The following DGKH variants were observed in gnomAD, a reference collection of about 807,000 sequenced individuals.
The protein encoded by DGKH is DAG kinase eta.
In DGKH, 90 loss-of-function variants were observed where a neutral mutation model predicts 159.3. The ratio of observed to expected loss-of-function variants is 0.57; its 90% CI spans 0.48 to 0.67. The LOEUF (loss-of-function observed/expected upper bound fraction) is 0.67. Ranked by LOEUF, DGKH falls within the 30% of genes least tolerant of loss-of-function variation. DGKH has a pLI of 0.00. For missense variants in DGKH, 1,181 were observed against 1,506.1 expected (o/e 0.78, Z 3.57); for synonymous variants, 536 against 553.8 (o/e 0.97, Z 0.45).
intron 3 of DGKH, among the ~76,000 whole-genome samples, chr13:42,136,390 T>C (rs1955403415): frequency 6.6e-6 from 1 of 152,200 alleles, no homozygotes; most frequent in Non-Finnish European, 1.5e-5. Flanking sequence ...AATCTGACCA[T>C]GTTAGGTAAA....
At chr13:42,113,891 C>G (rs1187721590) in intron 1 of DGKH, among the ~76,000 whole-genome samples, 1 of 152,006 alleles carries the variant, frequency 6.6e-6, no homozygotes, top group Non-Finnish European at 1.5e-5. Context: ...TGAAGATAGG[C>G]TTTAGGATGG....
At chr13:42,206,934 G>A (rs1315485694) in intron 21 of DGKH, among the ~76,000 whole-genome samples, 1 of 150,620 alleles carries the variant, frequency 6.6e-6, no homozygotes, top group East Asian at 2.0e-4. Flanking sequence ...CAGAGAGGGG[G>A]CATTATTCTG....
chr13:42,243,090 A>G (rs118050883), downstream of DGKH, among the ~76,000 whole-genome samples: 610 of 152,324 alleles, frequency 4.0e-3, 1 homozygote, highest in Middle Eastern at 6.8e-3. Context: ...ATTGAGATGC[A>G]TAAGGTCACA....
chr13:42,236,091 A>G lies in DGKH; in HGVS notation c.*6903A>G, dbSNP rs879901378. On this transcript the variant is annotated 3_prime_UTR_variant, in exon 30 of 30. Coordinates refer to ENST00000337343, the MANE Select transcript of DGKH (RefSeq NM_178009.5). ...AAGAATTTTACCTTTGGATTTCTCT[A>G]TGTGAGGCAGTGCTGGTGTCAGCAA... 1.3e-5 allele frequency: 2 copies of G among 152,200 alleles called. No individual in the cohort carries two copies. Among genetic ancestry groups the G allele is most frequent in the Non-Finnish European group, 2.9e-5 (2 of 68,020 alleles). 9.4% of individuals were successfully genotyped at this position (152,200 alleles called of 1,614,324 possible). A position where few individuals can be genotyped will look rare whatever the true frequency, so the allele number is the denominator to read the frequency against.
At chr13:42,077,317 C>T (rs956966562) in intron 1 of DGKH, among the ~76,000 whole-genome samples, 1 of 151,990 alleles carries the variant, frequency 6.6e-6, no homozygotes, top group African/African-American at 2.4e-5. Context: ...ACTTAAAATA[C>T]TTAATAAATT....
intron 1 of DGKH, among the ~76,000 whole-genome samples, chr13:42,112,170 A>G (rs1019698021): frequency 1.3e-5 from 2 of 152,120 alleles, no homozygotes; most frequent in East Asian, 1.9e-4. Context: ...AAAGTCGTAT[A>G]TGGTTTTTGT....
At chr13:42,228,716 AAAGAAAAG>A (rs1167985728) in intron 29 of DGKH, among the ~76,000 whole-genome samples, 14 of 148,068 alleles carry the variant, frequency 9.5e-5, no homozygotes, top group Admixed American at 2.7e-4. Context: ...AGAAAGAAAG[AAAGAAAAG>A]AAAGAAAGAG....
chr13:42,203,679 G>A (rs1018909904), intron 20 of DGKH, among the ~76,000 whole-genome samples: 3 of 152,024 alleles, frequency 2.0e-5, no homozygotes, highest in African/African-American at 7.2e-5. Flanking sequence ...ACATGGGATG[G>A]CTAGGGAGCC....
intron 13 of DGKH, among the ~76,000 whole-genome samples, chr13:42,183,345 A>G (rs948779290): frequency 6.6e-6 from 1 of 152,122 alleles, no homozygotes; most frequent in Non-Finnish European, 1.5e-5. Flanking sequence ...AACAATTCTT[A>G]CTGAGGCATG....
intron 1 of DGKH, among the ~76,000 whole-genome samples, chr13:42,073,525 C>T (rs1883111354): frequency 1.3e-5 from 2 of 152,172 alleles, no homozygotes; most frequent in South Asian, 4.1e-4. Flanking sequence ...AGATATCCAA[C>T]ACTGTATTAT....
chr13:42,073,671 ATTTTTAGCTTTC>A (rs553244499), intron 1 of DGKH, among the ~76,000 whole-genome samples: 1 of 152,326 alleles, frequency 6.6e-6, no homozygotes, highest in South Asian at 2.1e-4. Context: ...AGCTTATGAT[ATTTTTAGCTTTC>A]TATGGGTTTA....
At chr13:42,198,398 G>A (rs1355646689) in intron 17 of DGKH, 80 bp from the exon 18 acceptor site, 3 of 1,191,110 alleles carry the variant, frequency 2.5e-6, no homozygotes, top group Non-Finnish European at 3.6e-6. Context: ...TAAGATATTT[G>A]ATATCAGGCC....
intron 7 of DGKH, among the ~76,000 whole-genome samples, chr13:42,163,953 A>C (rs1354903238): frequency 6.6e-6 from 1 of 152,150 alleles, no homozygotes; most frequent in Non-Finnish European, 1.5e-5. Flanking sequence ...TATGTCCTGA[A>C]TGGTAATGCC....
chr13:42,153,502 G>A (rs1476301584), intron 3 of DGKH, among the ~76,000 whole-genome samples: 3 of 152,052 alleles, frequency 2.0e-5, no homozygotes, highest in Non-Finnish European at 1.5e-5. Flanking sequence ...CATCATATAA[G>A]GTAGCAAAAA....
intron 1 of DGKH, among the ~76,000 whole-genome samples, chr13:42,059,206 G>A (rs919143300): frequency 6.6e-6 from 1 of 151,594 alleles, no homozygotes; most frequent in Non-Finnish European, 1.5e-5. Context: ...TTAATCTGTG[G>A]TGTGTATAGG....
intron 30 of DGKH, among the ~76,000 whole-genome samples, chr13:42,253,426 T>G (rs1158273359): frequency 6.6e-6 from 1 of 152,224 alleles, no homozygotes; most frequent in African/African-American, 2.4e-5. Context: ...CTTCCAGAGC[T>G]GAAAGTGAAA....
At chr13:42,227,111 G>A (rs1225988442) in intron 29 of DGKH, among the ~76,000 whole-genome samples, 2 of 152,112 alleles carry the variant, frequency 1.3e-5, no homozygotes, top group Admixed American at 1.3e-4. Flanking sequence ...TGTTGTGGGG[G>A]CAGAAGGAGG....
downstream of DGKH, chr13:42,243,043 A>G (rs1482491652): frequency 6.6e-6 from 1 of 152,206 alleles, no homozygotes; most frequent in African/African-American, 2.4e-5. Flanking sequence ...CAAAGGTAAC[A>G]TCTTGCAAAG....
downstream of DGKH, among the ~76,000 whole-genome samples, chr13:42,247,242 T>C (rs1319439704): frequency 4.6e-5 from 7 of 150,574 alleles, no homozygotes; most frequent in Admixed American, 4.6e-4. Context: ...TTTTTTTTTT[T>C]TTTTTTTGAG....
Sources: allele counts gnomAD v4.1 joint callset (sites outside exome capture counted in the v4.1 genomes callset), GRCh38; gene constraint gnomAD v4.1.1; transcripts MANE v1.5; gene names NCBI Gene and HGNC (gene_info 2026-07-23, HGNC 2026-07-21).